NDUFAF2: variants seen among roughly 807,000 people sequenced by gnomAD.
The protein encoded by NDUFAF2 is NADH dehydrogenase [ubiquinone] 1 alpha subcomplex assembly factor 2.
Under a neutral mutation model 22.8 loss-of-function variants are expected in NDUFAF2, and 13 were observed. The observed-to-expected ratio is 0.57, with a 90% CI of 0.37 to 0.91. The LOEUF (loss-of-function observed/expected upper bound fraction) is 0.91, where lower values mean the gene tolerates loss of function less well. Among genes scored for constraint, NDUFAF2 ranks in the 40% least tolerant of loss-of-function variants. NDUFAF2 has a pLI of 0.01. For missense variants in NDUFAF2, 162 were observed against 195.2 expected, an observed-to-expected ratio of 0.83 and a Z score of 1.01; for synonymous variants, 53 against 64.2, an observed-to-expected ratio of 0.83 and a Z score of 0.84.
intron 1 of NDUFAF2, among the ~76,000 whole-genome samples, chr5:60,990,776 A>C (rs568551604): frequency 7.2e-5 from 11 of 152,304 alleles, no homozygotes; most frequent in African/African-American, 2.4e-4. Context: ...ATGAAAGATA[A>C]ATCATTATCA....
In NDUFAF2 at chr5:60,979,426, C is replaced by T. The variant is rs1750946654; in HGVS notation, c.127+34044C>T. ...GATCTGCCCTGGGCCAGAGGGAAGC[C>T]CAGCATCCTAAAAGGAGAGAGACTC... On this transcript the variant is annotated intron_variant, in intron 1 of 3. Transcript: ENST00000296597. 2.6e-5 allele frequency among the ~76,000 whole-genome samples: 4 copies of T among 151,940 alleles called. No homozygotes were observed. In the South Asian group the frequency reaches 8.3e-4, roughly 32 times the overall value.
chr5:60,989,437 A>T (rs957971305), intron 1 of NDUFAF2, among the ~76,000 whole-genome samples: 1 of 152,230 alleles, frequency 6.6e-6, no homozygotes. Context: ...TCGTTCTACC[A>T]TAAAACATAT....
At chr5:61,034,130 T>C (rs1420325918) in intron 1 of NDUFAF2, among the ~76,000 whole-genome samples, 5 of 152,136 alleles carry the variant, frequency 3.3e-5, no homozygotes, top group African/African-American at 1.2e-4. Flanking sequence ...CAGAAAGTTT[T>C]GCAGAAAAAA....
intron 1 of NDUFAF2, among the ~76,000 whole-genome samples, chr5:60,974,488 T>C (rs1750876137): frequency 6.6e-6 from 1 of 152,158 alleles, no homozygotes; most frequent in East Asian, 1.9e-4. Context: ...CTTTCTTTTA[T>C]ATATACCTCC....
At chr5:61,139,910 TA>T (rs1199795359) in intron 3 of NDUFAF2, among the ~76,000 whole-genome samples, 1 of 152,264 alleles carries the variant, frequency 6.6e-6, no homozygotes, top group Non-Finnish European at 1.5e-5. Context: ...TCAGCCATAT[TA>T]GGGGTACTTT....
intron 1 of NDUFAF2, among the ~76,000 whole-genome samples, chr5:61,043,679 A>ATGTGTG (rs373302097): frequency 2.7e-5 from 4 of 149,220 alleles, no homozygotes; most frequent in African/African-American, 4.9e-5. Flanking sequence ...AGCTGTATAT[A>ATGTGTG]TGTGTGTGTG....
chr5:61,026,609 CTA>C (rs1751653414), intron 1 of NDUFAF2, among the ~76,000 whole-genome samples: 2 of 151,982 alleles, frequency 1.3e-5, no homozygotes, highest in Non-Finnish European at 2.9e-5. Context: ...AGCTTGTTTT[CTA>C]TGTCACTGAA....
chr5:61,131,639 C>T (rs1223676331), intron 3 of NDUFAF2, among the ~76,000 whole-genome samples: 3 of 151,882 alleles, frequency 2.0e-5, no homozygotes, highest in Non-Finnish European at 4.4e-5. Context: ...AACTAGTATG[C>T]AGCCATTATG....
At chr5:61,000,606 A>G (rs1751283771) in intron 1 of NDUFAF2, among the ~76,000 whole-genome samples, 2 of 152,098 alleles carry the variant, frequency 1.3e-5, no homozygotes, top group African/African-American at 2.4e-5. Context: ...GTGAAAACAC[A>G]CTGCATTCTT....
intron 3 of NDUFAF2, among the ~76,000 whole-genome samples, chr5:61,134,979 T>G (rs1006165410): frequency 6.6e-6 from 1 of 152,024 alleles, no homozygotes; most frequent in African/African-American, 2.4e-5. Context: ...AATAATTTTC[T>G]TAGCAGTAAT....
At chr5:61,005,363 G>C (rs1407197284) in intron 1 of NDUFAF2, among the ~76,000 whole-genome samples, 2 of 152,074 alleles carry the variant, frequency 1.3e-5, no homozygotes, top group African/African-American at 4.8e-5. Context: ...TTGGTTCCAA[G>C]TCTTTGCTAT....
chr5:61,132,966 A>C (rs1160455217), intron 3 of NDUFAF2, among the ~76,000 whole-genome samples: 2 of 148,578 alleles, frequency 1.3e-5, no homozygotes, highest in Non-Finnish European at 3.0e-5. Flanking sequence ...AAAAGCTTGC[A>C]CTGTCTTCAT....
chr5:61,000,527 C>T (rs1039381461), intron 1 of NDUFAF2, among the ~76,000 whole-genome samples: 1 of 152,040 alleles, frequency 6.6e-6, no homozygotes, highest in Non-Finnish European at 1.5e-5. Flanking sequence ...TATACTATAT[C>T]CAAATAAGGC....
At chr5:61,141,462 C>T (rs1174847646) in intron 3 of NDUFAF2, among the ~76,000 whole-genome samples, 1 of 151,986 alleles carries the variant, frequency 6.6e-6, no homozygotes, top group Non-Finnish European at 1.5e-5. Context: ...TATGCATGAA[C>T]CAATCAGTTA....
At chr5:61,121,817 T>G (rs1368654931) in intron 3 of NDUFAF2, among the ~76,000 whole-genome samples, 1 of 150,314 alleles carries the variant, frequency 6.7e-6, no homozygotes, top group Non-Finnish European at 1.5e-5. Context: ...TTTCTTTTCT[T>G]TCCTTTTCTT....
At chr5:61,112,773 T>C (rs1385745280) in intron 3 of NDUFAF2, among the ~76,000 whole-genome samples, 1 of 152,184 alleles carries the variant, frequency 6.6e-6, no homozygotes, top group African/African-American at 2.4e-5. Context: ...AAGGACTTAC[T>C]CTTGACATTT....
intron 1 of NDUFAF2, among the ~76,000 whole-genome samples, chr5:61,041,243 G>T (rs1322079420): frequency 6.6e-6 from 1 of 152,064 alleles, no homozygotes; most frequent in African/African-American, 2.4e-5. Context: ...TTACCATCAA[G>T]TAATATTCTT....
chr5:61,011,656 G>A (rs1313874040), intron 1 of NDUFAF2, among the ~76,000 whole-genome samples: 2 of 151,938 alleles, frequency 1.3e-5, no homozygotes, highest in African/African-American at 4.8e-5. Context: ...CAACAATTAT[G>A]TGAGCCATCC....
chr5:61,092,246 C>A (rs891144636), intron 2 of NDUFAF2, among the ~76,000 whole-genome samples: 1 of 151,910 alleles, frequency 6.6e-6, no homozygotes, highest in Non-Finnish European at 1.5e-5. Context: ...TTTTCTAGTT[C>A]TGTGAAGAAC....
Sources: gnomAD v4.1 joint callset for allele counts (sites outside exome capture counted in the v4.1 genomes callset) on GRCh38, gnomAD v4.1.1 for gene constraint, MANE v1.5 for transcripts, NCBI Gene and HGNC (gene_info 2026-07-23, HGNC 2026-07-21) for gene names.